Variants in ADGRF3 observed in about 807,000 individuals in gnomAD.
ADGRF3 encodes the protein G protein-coupled receptor 113.
In ADGRF3, 85 loss-of-function variants were observed where a neutral mutation model predicts 93.2. The observed-to-expected ratio is 0.91, with a 90% CI of 0.77 to 1.09. ADGRF3 has a LOEUF of 1.09. ADGRF3 is among the 50% of genes least tolerant of loss of function. The pLI, the probability that ADGRF3 is intolerant of heterozygous loss-of-function variation, is 0.00. For synonymous variants in ADGRF3, 534 were observed against 532.5 expected (o/e 1.00, Z -0.04); for missense variants, 1,125 against 1,246.2 (o/e 0.90, Z 1.46).
intron 12 of ADGRF3, 170 bp downstream of exon 12, chr2:26,309,873 G>T: frequency 6.8e-7 from 1 of 1,480,718 alleles, no homozygotes; most frequent in Non-Finnish European, 9.2e-7. Flanking sequence ...CTCTGACCAG[G>T]CTGCTCATTC....
Position 26,308,639 on chromosome 2 carries a change from G to T in ADGRF3, c.*447C>A, listed in dbSNP as rs1288264014. The T allele has an allele frequency of 1.3e-5, 2 of 155,658 alleles. No homozygotes were observed. Among genetic ancestry groups the T allele is most frequent in the Admixed American group, 6.4e-5 (1 of 15,528 alleles). The allele number at this position is 155,658 out of a possible 1,614,324, so 9.6% of individuals were successfully genotyped here. On this transcript the variant is annotated 3_prime_UTR_variant, in exon 14 of 14. Coordinates refer to ENST00000651242, the MANE Select transcript of ADGRF3 (RefSeq NM_001321971.2). The stretch of plus-strand genomic sequence containing the variant: ...TGCCCTTCATCTCCAATGTTTGAAA[G>T]ATCAGAGGTTCCTGTCAAGTAAGTC...
chr2:26,343,768 T>G (rs1574739738), intron 1 of ADGRF3, among the ~76,000 whole-genome samples: 1 of 152,142 alleles, frequency 6.6e-6, no homozygotes, highest in East Asian at 1.9e-4. Context: ...TGAAAAAGAG[T>G]ACTGGGGCTA....
intron 1 of ADGRF3, among the ~76,000 whole-genome samples, chr2:26,341,856 G>A (rs1233805202): frequency 1.3e-5 from 2 of 151,996 alleles, no homozygotes; most frequent in East Asian, 3.9e-4. Flanking sequence ...GGCAGATCAC[G>A]AGGTCAGGAG....
rs1244183114 is a variant in ADGRF3, at chr2:26,311,048, G to A, written c.2476C>T (p.Pro826Ser). The A allele has an allele frequency of 1.2e-6, 2 of 1,609,948 alleles. No homozygotes were observed. Among genetic ancestry groups the A allele is most frequent in the Non-Finnish European group, 1.7e-6 (2 of 1,178,270 alleles). Reference sequence around the variant, plus strand: ...AGGGTGACACCTGCCAACCCCAGTGGGCACAGGTAGCCCAGGAGCACCATG... The same window carrying A: ...AGGGTGACACCTGCCAACCCCAGTGAGCACAGGTAGCCCAGGAGCACCATG... Reference protein sequence around the residue: ...PLMVLLGYLCPLGLAGVTLGL... With the variant: ...PLMVLLGYLCSLGLAGVTLGL... Residue 826 changes from proline (P) to serine (S), a missense_variant, in exon 10 of 14, where the codon CCA (proline) becomes TCA (serine). Physicochemically the swap from Pro to Ser is moderately conservative, Grantham distance 74 (BLOSUM62 -1). Transcript: ENST00000651242.
At chr2:26,314,386 A>G (rs1303763480) in intron 6 of ADGRF3, 28 bp downstream of exon 6, 1 of 1,594,964 alleles carries the variant, frequency 6.3e-7, no homozygotes, top group Admixed American at 1.7e-5. Flanking sequence ...GGTCCCTCTG[A>G]CCCCTGACTG....
intron 1 of ADGRF3, among the ~76,000 whole-genome samples, chr2:26,342,080 A>C (rs965980497): frequency 1.3e-5 from 2 of 150,710 alleles, no homozygotes; most frequent in Admixed American, 6.6e-5. Flanking sequence ...CTCAAAAAAA[A>C]AACAACTGAC....
intron 1 of ADGRF3, among the ~76,000 whole-genome samples, chr2:26,323,914 C>G (rs1275423608): frequency 6.6e-6 from 1 of 151,828 alleles, no homozygotes; most frequent in African/African-American, 2.4e-5. Context: ...CAAGCATGAG[C>G]CACTGCGCCC....
chr2:26,324,944 TGTAA>T (rs1675362493), intron 1 of ADGRF3, among the ~76,000 whole-genome samples: 1 of 152,224 alleles, frequency 6.6e-6, no homozygotes, highest in South Asian at 2.1e-4. Flanking sequence ...GCCAACAGTG[TGTAA>T]GTGTTCCTTT....
At chr2:26,343,868 G>C (rs546173056) in intron 1 of ADGRF3, among the ~76,000 whole-genome samples, 44 of 152,320 alleles carry the variant, frequency 2.9e-4, no homozygotes, top group Admixed American at 2.2e-3. Flanking sequence ...TAAATTATCA[G>C]ATGAATTTAT....
intron 1 of ADGRF3, among the ~76,000 whole-genome samples, chr2:26,334,281 A>G (rs1316874683): frequency 1.4e-5 from 2 of 140,064 alleles, no homozygotes; most frequent in Non-Finnish European, 3.1e-5. Context: ...ACAGCAAGCT[A>G]TCATCTCAAA....
At chr2:26,322,281 T>C (rs1183056497) in intron 1 of ADGRF3, among the ~76,000 whole-genome samples, 7 of 102,674 alleles carry the variant, frequency 6.8e-5, no homozygotes, top group African/African-American at 2.9e-4. Flanking sequence ...AGAATCTGTC[T>C]CAAAAAAAAA....
chr2:26,329,619 C>T (rs1356224526), intron 1 of ADGRF3, among the ~76,000 whole-genome samples: 1 of 152,214 alleles, frequency 6.6e-6, no homozygotes, highest in Non-Finnish European at 1.5e-5. Context: ...GAACACATTA[C>T]ATTACATAAT....
chr2:26,309,182 A>G, intron 13 of ADGRF3, 75 bp from the exon 14 acceptor site: 1 of 1,614,030 alleles, frequency 6.2e-7, no homozygotes, highest in Non-Finnish European at 8.5e-7. Context: ...CTGGATACCA[A>G]GCCCACCCAT....
At chr2:26,344,318 A>G (rs972869821) in intron 1 of ADGRF3, among the ~76,000 whole-genome samples, 8 of 152,022 alleles carry the variant, frequency 5.3e-5, no homozygotes, top group African/African-American at 1.9e-4. Flanking sequence ...TAGTTTTTGT[A>G]TTTTTAGTTG....
At chr2:26,341,032 A>G (rs1676366719) in intron 1 of ADGRF3, among the ~76,000 whole-genome samples, 1 of 152,178 alleles carries the variant, frequency 6.6e-6, no homozygotes, top group African/African-American at 2.4e-5. Context: ...TAGACTTCGA[A>G]TGACTACTGA....
chr2:26,342,096 A>AT (rs1366525260), intron 1 of ADGRF3, among the ~76,000 whole-genome samples: 71 of 145,614 alleles, frequency 4.9e-4, no homozygotes, highest in African/African-American at 5.7e-4. Flanking sequence ...CTGACTTGTG[A>AT]TTTTTTTTTT....
Position 26,316,872 on chromosome 2 carries a change from T to C in ADGRF3, c.325+40A>G. 3 of 1,565,086 alleles carry C rather than the reference T, an allele frequency of 1.9e-6. 1 individual carries two copies. In the South Asian group the frequency reaches 3.5e-5, roughly 18 times the overall value. On this transcript the variant is annotated intron_variant, in intron 3 of 13. Transcript: ENST00000651242. ...TGGCTGCAGGAGGCCCGGGAGCCTA[T>C]GTTCATTCACTCTCAGCCCCCTTCC...
chr2:26,323,829 G>A (rs6744535), intron 1 of ADGRF3, among the ~76,000 whole-genome samples: 84,094 of 151,818 alleles, frequency 0.55, 24,375 homozygotes, highest in African/African-American at 0.67. Flanking sequence ...GGATTTCACC[G>A]TGTTGGCCAG....
chr2:26,317,225 T>C (rs1674780978), intron 2 of ADGRF3, among the ~76,000 whole-genome samples, 170 bp from the exon 3 acceptor site: 1 of 152,126 alleles, frequency 6.6e-6, no homozygotes, highest in Admixed American at 6.5e-5. Flanking sequence ...AGTCCTCCCC[T>C]AGGCACTGTG....
Sources: gnomAD v4.1 joint callset for allele counts (sites outside exome capture counted in the v4.1 genomes callset) on GRCh38, gnomAD v4.1.1 for gene constraint, MANE v1.5 for transcripts, NCBI Gene and HGNC (gene_info 2026-07-23, HGNC 2026-07-21) for gene names.